ATP8A2: variants seen among roughly 807,000 people sequenced by gnomAD.
ATP8A2 encodes the protein phospholipid-transporting ATPase IB.
A neutral mutation model predicts 165.6 loss-of-function variants in ATP8A2; 100 were observed. The ratio of observed to expected loss-of-function variants is 0.60; its 90% CI spans 0.51 to 0.71. The LOEUF (loss-of-function observed/expected upper bound fraction) is 0.71. Ranked by LOEUF, ATP8A2 falls within the 30% of genes least tolerant of loss-of-function variation. The pLI, the probability that ATP8A2 is intolerant of heterozygous loss-of-function variation, is 0.00. For synonymous variants in ATP8A2, 543 were observed against 548.8 expected (o/e 0.99, Z 0.15); for missense variants, 1,227 against 1,479.5 (o/e 0.83, Z 2.80).
intron 6 of ATP8A2, among the ~76,000 whole-genome samples, chr13:25,536,012 T>C (rs1419963992): frequency 6.6e-6 from 1 of 152,062 alleles, no homozygotes; most frequent in Admixed American, 6.6e-5. Context: ...CTTTTTTCAT[T>C]TGAAAACATG....
intron 30 of ATP8A2, among the ~76,000 whole-genome samples, chr13:25,855,559 A>G (rs1405988422): frequency 6.6e-6 from 1 of 152,226 alleles, no homozygotes; most frequent in Non-Finnish European, 1.5e-5. Flanking sequence ...TATTGTGAAT[A>G]ATGAATAATG....
intron 24 of ATP8A2, among the ~76,000 whole-genome samples, chr13:25,639,131 C>A (rs1387101541): frequency 2.2e-5 from 3 of 139,014 alleles, no homozygotes; most frequent in African/African-American, 5.4e-5. Context: ...AGGACCAGTA[C>A]CAGCCACTGC....
chr13:25,652,647 T>C lies in ATP8A2; in HGVS notation c.2212-46526T>C, dbSNP rs572497527. ...AAGATAATTTCTTCTGTGTGTAAAC[T>C]TGTGTTGTTACATAATTATTTTCTT... On this transcript the variant is annotated intron_variant, in intron 24 of 36. Coordinates refer to ENST00000381655, the MANE Select transcript of ATP8A2 (RefSeq NM_016529.6). Among the ~76,000 whole-genome samples the C allele has an allele frequency of 3.6e-4, 55 of 152,334 alleles. 2 individuals are homozygous for C. In the South Asian group the frequency reaches 6.8e-3, roughly 19 times the overall value.
At chr13:25,917,848 C>T (rs948507208) in intron 33 of ATP8A2, among the ~76,000 whole-genome samples, 3 of 151,986 alleles carry the variant, frequency 2.0e-5, no homozygotes, top group African/African-American at 7.2e-5. Flanking sequence ...CTTCAAAATT[C>T]GATGTATTAT....
Position 25,896,533 on chromosome 13 carries a change from T to C in ATP8A2, c.3183+34125T>C, listed in dbSNP as rs144121664. 1.0e-2 allele frequency among the ~76,000 whole-genome samples: 1,516 copies of C among 152,338 alleles called. 17 individuals carry two copies. The highest frequency in any genetic ancestry group is 0.031 in the African/African-American group (1,298 of 41,556). On this transcript the variant is annotated intron_variant, in intron 33 of 36. Coordinates refer to ENST00000381655, the MANE Select transcript of ATP8A2 (RefSeq NM_016529.6). Reference sequence around the variant, plus strand: ...TGTTGATTTGGGGTGGAGAGTTCTGTAGATGTCTATTAGGTCTGCTTGGTG... The same window carrying C: ...TGTTGATTTGGGGTGGAGAGTTCTGCAGATGTCTATTAGGTCTGCTTGGTG...
intron 1 of ATP8A2, among the ~76,000 whole-genome samples, chr13:25,395,779 G>A (rs1004320166): frequency 1.3e-5 from 2 of 151,866 alleles, no homozygotes; most frequent in Non-Finnish European, 2.9e-5. Flanking sequence ...TCAAGTGATC[G>A]CCCTGCCTCA....
rs1019480438 is a variant in ATP8A2, at chr13:25,966,745, T to C, written c.3273-1830T>C. ...TTGCCCTCTGAGGCCATGTTGTGAT[T>C]GAGTAAAAACCAGCAGCTTCCACAG... On this transcript the variant is annotated intron_variant, in intron 34 of 36. Coordinates refer to ENST00000381655, the MANE Select transcript of ATP8A2 (RefSeq NM_016529.6). Among the ~76,000 whole-genome samples the C allele has an allele frequency of 4.6e-5, 7 of 152,200 alleles. No individual in the cohort carries two copies. The South Asian group carries it at 6.2e-4, about 14-fold the overall frequency.
At chr13:25,941,871 T>A (rs1955080949) in intron 33 of ATP8A2, among the ~76,000 whole-genome samples, 1 of 152,168 alleles carries the variant, frequency 6.6e-6, no homozygotes, top group South Asian at 2.1e-4. Flanking sequence ...TGAAAATAAA[T>A]AAAATGCTGA....
intron 35 of ATP8A2, among the ~76,000 whole-genome samples, chr13:25,982,884 A>G (rs915079348): frequency 2.0e-5 from 3 of 152,202 alleles, no homozygotes; most frequent in Non-Finnish European, 4.4e-5. Context: ...TATGTGCCTC[A>G]GATTCTCTGT....
chr13:25,960,260 A>C (rs1269739278), intron 33 of ATP8A2, among the ~76,000 whole-genome samples: 3 of 152,124 alleles, frequency 2.0e-5, no homozygotes, highest in Non-Finnish European at 4.4e-5. Flanking sequence ...GTCCAGCTGG[A>C]GCAGAGGATG....
At chr13:25,531,279 TG>T (rs1421718560) in intron 4 of ATP8A2, among the ~76,000 whole-genome samples, 2 of 77,846 alleles carry the variant, frequency 2.6e-5, no homozygotes, top group African/African-American at 9.9e-5. Flanking sequence ...ATGATATATA[TG>T]TTATATATGA....
chr13:25,442,399 A>G (rs1486051337), intron 1 of ATP8A2, among the ~76,000 whole-genome samples: 2 of 152,092 alleles, frequency 1.3e-5, no homozygotes, highest in African/African-American at 4.8e-5. Flanking sequence ...CACATACTCC[A>G]CAACACTTGT....
intron 27 of ATP8A2, among the ~76,000 whole-genome samples, chr13:25,810,795 G>A (rs899641296): frequency 1.3e-5 from 2 of 152,120 alleles, no homozygotes; most frequent in African/African-American, 4.8e-5. Context: ...GGATGTACAC[G>A]CAGTTGCAGT....
intron 1 of ATP8A2, among the ~76,000 whole-genome samples, chr13:25,392,100 G>C (rs1040356180): frequency 6.6e-6 from 1 of 152,114 alleles, no homozygotes; most frequent in African/African-American, 2.4e-5. Flanking sequence ...AAGCTCTCCG[G>C]GGCTGACCTC....
At chr13:25,725,030 T>G (rs1308893517) in intron 25 of ATP8A2, among the ~76,000 whole-genome samples, 6 of 152,176 alleles carry the variant, frequency 3.9e-5, no homozygotes, top group African/African-American at 1.4e-4. Flanking sequence ...TTTCCTGTCC[T>G]CCCAGAGTCT....
chr13:25,675,579 A>G (rs750569515), intron 24 of ATP8A2, among the ~76,000 whole-genome samples: 1 of 152,224 alleles, frequency 6.6e-6, no homozygotes, highest in African/African-American at 2.4e-5. Flanking sequence ...TTTCTTGTGA[A>G]TATCTTTTGT....
intron 33 of ATP8A2, among the ~76,000 whole-genome samples, chr13:25,960,195 G>A (rs11618503): frequency 0.37 from 56,280 of 152,114 alleles, 11,112 homozygotes; most frequent in Non-Finnish European, 0.44. Flanking sequence ...TATAGACGCT[G>A]GGCAGGGAAG....
At chr13:25,631,482 T>C (rs2041239583) in intron 24 of ATP8A2, among the ~76,000 whole-genome samples, 1 of 152,174 alleles carries the variant, frequency 6.6e-6, no homozygotes, top group Admixed American at 6.5e-5. Flanking sequence ...TTTGAGGATT[T>C]TTTGAAGTCA....
chr13:25,796,838 C>A (rs1950508159), intron 27 of ATP8A2, among the ~76,000 whole-genome samples: 1 of 151,606 alleles, frequency 6.6e-6, no homozygotes. Context: ...TTATTTAGTT[C>A]TTCTATATTA....
Sources: allele counts gnomAD v4.1 joint callset (sites outside exome capture counted in the v4.1 genomes callset), GRCh38; gene constraint gnomAD v4.1.1; transcripts MANE v1.5; gene names NCBI Gene and HGNC (gene_info 2026-07-23, HGNC 2026-07-21).